Variants in TBC1D22A observed in about 807,000 individuals in gnomAD.
TBC1D22A encodes TBC1 domain family member 22A.
Under a neutral mutation model 60.2 loss-of-function variants are expected in TBC1D22A, and 38 were observed. The ratio of observed to expected loss-of-function variants is 0.63; its 90% CI spans 0.49 to 0.83. TBC1D22A has a LOEUF of 0.83. TBC1D22A is among the 40% of genes least tolerant of loss of function. The pLI is 0.00. For missense variants in TBC1D22A, 628 were observed against 701.0 expected (o/e 0.90, Z 1.18); for synonymous variants, 302 against 281.7 (o/e 1.07, Z -0.72).
chr22:46,928,988 G>A (rs1273135012), intron 8 of TBC1D22A, among the ~76,000 whole-genome samples: 1 of 152,102 alleles, frequency 6.6e-6, no homozygotes, highest in East Asian at 1.9e-4. Context: ...TGGGTACAGA[G>A]TTTCTTCTGG....
chr22:46,928,432 T>A (rs917786157), intron 8 of TBC1D22A, among the ~76,000 whole-genome samples: 6 of 152,168 alleles, frequency 3.9e-5, no homozygotes, highest in African/African-American at 1.4e-4. Flanking sequence ...AAAAAGTGAA[T>A]CATGACCTAA....
intron 8 of TBC1D22A, among the ~76,000 whole-genome samples, chr22:46,941,607 C>CAGGGAATATATATATGGAATATATATACA (rs1491548993): frequency 2.1e-5 from 3 of 140,738 alleles, no homozygotes; most frequent in Non-Finnish European, 4.6e-5. Flanking sequence ...AATATATATA[C>CAGGGAATATATATATGGAATATATATACA]GCGGAATATA....
At chr22:47,160,748 G>A (rs910543) in intron 12 of TBC1D22A, among the ~76,000 whole-genome samples, 99,447 of 152,168 alleles carry the variant, frequency 0.65, 33,022 homozygotes, top group African/African-American at 0.75. Context: ...ACCAAGCCAC[G>A]GGGACCGAGA....
intron 12 of TBC1D22A, among the ~76,000 whole-genome samples, chr22:47,149,522 G>A (rs76808140): frequency 0.022 from 3,385 of 152,332 alleles, 141 homozygotes; most frequent in African/African-American, 0.077. Flanking sequence ...GGAGGTGGGC[G>A]GGACAGAGTT....
intron 11 of TBC1D22A, among the ~76,000 whole-genome samples, chr22:47,100,180 A>G (rs1328672966): frequency 6.6e-6 from 1 of 152,160 alleles, no homozygotes; most frequent in African/African-American, 2.4e-5. Context: ...TACTTCACAC[A>G]GTGCCATGCA....
intron 4 of TBC1D22A, among the ~76,000 whole-genome samples, chr22:46,828,921 C>T (rs561198503): frequency 1.3e-5 from 2 of 152,256 alleles, no homozygotes; most frequent in African/African-American, 4.8e-5. Flanking sequence ...ATACTTGAAA[C>T]GACCTACATG....
intron 11 of TBC1D22A, among the ~76,000 whole-genome samples, chr22:47,041,993 T>TC (rs2062860593): frequency 6.6e-6 from 1 of 152,206 alleles, no homozygotes; most frequent in Non-Finnish European, 1.5e-5. Context: ...CAAGATTGTC[T>TC]CCCCAGCCCT....
At chr22:46,890,243 G>A (rs758388118) in intron 5 of TBC1D22A, among the ~76,000 whole-genome samples, 14 of 152,084 alleles carry the variant, frequency 9.2e-5, no homozygotes, top group Non-Finnish European at 1.9e-4. Context: ...GGAGGCTGAG[G>A]CAGGAGATCA....
intron 8 of TBC1D22A, among the ~76,000 whole-genome samples, chr22:46,967,070 C>T (rs925761676): frequency 5.3e-5 from 8 of 152,174 alleles, no homozygotes; most frequent in Admixed American, 2.0e-4. Flanking sequence ...ACCGTATGCC[C>T]GCACTTGTGG....
chr22:47,014,380 G>A (rs1009670854), intron 10 of TBC1D22A, among the ~76,000 whole-genome samples: 2 of 152,116 alleles, frequency 1.3e-5, no homozygotes, highest in South Asian at 4.1e-4. Flanking sequence ...TCCCATAGCC[G>A]CAGGCCTCAG....
intron 7 of TBC1D22A, among the ~76,000 whole-genome samples, chr22:46,906,992 CTG>C (rs1324711120): frequency 3.3e-5 from 5 of 150,934 alleles, no homozygotes; most frequent in African/African-American, 9.8e-5. Flanking sequence ...ACACTCTTCT[CTG>C]TGTACACGGG....
chr22:47,002,217 C>T (rs935523145), intron 10 of TBC1D22A, among the ~76,000 whole-genome samples: 2 of 152,248 alleles, frequency 1.3e-5, no homozygotes, highest in Admixed American at 6.5e-5. Flanking sequence ...AACGCTTACA[C>T]CTACTTGAAA....
intron 11 of TBC1D22A, among the ~76,000 whole-genome samples, chr22:47,110,162 G>C (rs912571334): frequency 1.3e-5 from 2 of 152,162 alleles, no homozygotes; most frequent in Admixed American, 1.3e-4. Context: ...CTTTTACCTG[G>C]AATATTTCTC....
At chr22:46,873,221 A>G (rs1379221859) in intron 4 of TBC1D22A, among the ~76,000 whole-genome samples, 1 of 152,232 alleles carries the variant, frequency 6.6e-6, no homozygotes, top group Non-Finnish European at 1.5e-5. Flanking sequence ...CCAATAAAAT[A>G]TGGGTAAAGG....
intron 9 of TBC1D22A, among the ~76,000 whole-genome samples, chr22:46,983,020 A>G (rs892348376): frequency 6.6e-6 from 1 of 152,226 alleles, no homozygotes; most frequent in African/African-American, 2.4e-5. Flanking sequence ...TTATGTAGGA[A>G]TGCTGCACTT....
intron 11 of TBC1D22A, among the ~76,000 whole-genome samples, chr22:47,061,760 A>G (rs2063586516): frequency 6.6e-6 from 1 of 152,138 alleles, no homozygotes; most frequent in Non-Finnish European, 1.5e-5. Context: ...TTCTTTCCTT[A>G]AAAGTGTTCA....
intron 4 of TBC1D22A, among the ~76,000 whole-genome samples, chr22:46,834,984 G>T (rs532085399): frequency 1.3e-5 from 2 of 152,144 alleles, no homozygotes; most frequent in African/African-American, 4.8e-5. Flanking sequence ...TGGAAGCTTC[G>T]TGACACCTGG....
At chr22:46,813,468 T>G (rs1249455170) in intron 4 of TBC1D22A, among the ~76,000 whole-genome samples, 3 of 152,238 alleles carry the variant, frequency 2.0e-5, no homozygotes, top group African/African-American at 7.2e-5. Context: ...AACTTTTTAT[T>G]GGCTTTTCCG....
intron 10 of TBC1D22A, among the ~76,000 whole-genome samples, chr22:47,022,567 AAAAC>A (rs1158171073): frequency 2.0e-5 from 3 of 151,898 alleles, no homozygotes; most frequent in Non-Finnish European, 2.9e-5. Context: ...AAAAAACACC[AAAAC>A]AAACAAACAA....
Sources: allele counts gnomAD v4.1 joint callset (sites outside exome capture counted in the v4.1 genomes callset), GRCh38; gene constraint gnomAD v4.1.1; transcripts MANE v1.5; gene names NCBI Gene and HGNC (gene_info 2026-07-23, HGNC 2026-07-21).